Variants in ALPK1 observed in about 807,000 individuals in gnomAD.
The protein encoded by ALPK1 is alpha kinase 1.
Under a neutral mutation model 120.6 loss-of-function variants are expected in ALPK1, and 110 were observed. The ratio of observed to expected loss-of-function variants is 0.91; its 90% confidence interval spans 0.78 to 1.07. The LOEUF is 1.07. Ranked by LOEUF, ALPK1 falls within the 50% of genes least tolerant of loss-of-function variation. ALPK1 has a pLI of 0.00. For missense variants in ALPK1, 1,498 were observed against 1,483.9 expected (o/e 1.01, Z -0.16); for synonymous variants, 582 against 560.3 (o/e 1.04, Z -0.55).
rs2148742493 is a variant in ALPK1, at chr4:112,402,402, G to A, written c.277-9425G>A. Among the ~76,000 whole-genome samples, 3 of 152,330 alleles carry A rather than the reference G, an allele frequency of 2.0e-5. No individual in the cohort carries two copies. In the Middle Eastern group the frequency reaches 0.01, roughly 518 times the overall value. ...GCTAATGCAAGGAACCATGAAAACA[G>A]CACACACTTTTCCTTGCTGCTGTTT... On this transcript the variant is annotated intron_variant, in intron 4 of 15. Coordinates refer to ENST00000650871, the MANE Select transcript of ALPK1 (RefSeq NM_025144.4).
chr4:112,327,629 G>A lies in ALPK1; in HGVS notation c.-101+11777G>A, dbSNP rs572328977. Among the ~76,000 whole-genome samples the A allele has an allele frequency of 6.5e-4, 99 of 152,056 alleles. 1 individual carries two copies. In the South Asian group the frequency reaches 0.016, roughly 25 times the overall value. ...TTTTAAAAATTTTTTTTGTAGAGAT[G>A]GGGTCTCTACAAACAATGTTGTCTA... On this transcript the variant is annotated intron_variant, in intron 2 of 15. Coordinates refer to ENST00000650871, the MANE Select transcript of ALPK1 (RefSeq NM_025144.4).
At chr4:112,403,499 A>T (rs1355099523) in intron 4 of ALPK1, among the ~76,000 whole-genome samples, 2 of 152,272 alleles carry the variant, frequency 1.3e-5, no homozygotes, top group East Asian at 3.9e-4. Context: ...TTGGAGAGAG[A>T]TGCGAGAGGT....
intron 2 of ALPK1, among the ~76,000 whole-genome samples, chr4:112,317,352 A>G (rs1301691826): frequency 2.0e-5 from 3 of 152,120 alleles, no homozygotes; most frequent in Non-Finnish European, 4.4e-5. Flanking sequence ...TGTTCTTCTA[A>G]GAGTTTTCTA....
At chr4:112,405,742 A>AT (rs1178423050) in intron 4 of ALPK1, among the ~76,000 whole-genome samples, 4 of 151,906 alleles carry the variant, frequency 2.6e-5, no homozygotes, top group Non-Finnish European at 5.9e-5. Context: ...CACCTGGCTA[A>AT]TTTTTTGTAT....
intron 2 of ALPK1, chr4:112,355,994 C>T: frequency 1.6e-6 from 1 of 636,222 alleles, no homozygotes; most frequent in South Asian, 1.7e-5. Flanking sequence ...TAGAAGAGAA[C>T]AGCGTTGTGT....
At chr4:112,327,983 G>A (rs931291614) in intron 2 of ALPK1, among the ~76,000 whole-genome samples, 3 of 152,200 alleles carry the variant, frequency 2.0e-5, no homozygotes, top group Non-Finnish European at 4.4e-5. Flanking sequence ...CTGAATAGGA[G>A]GCACACGTGA....
rs754785103 is a variant in ALPK1 at position 112,408,473 on chromosome 4, C to CTTT, written c.277-3341_277-3339dup. 3.8e-4 allele frequency among the ~76,000 whole-genome samples: 54 copies of CTTT among 143,584 alleles called. 1 individual carries two copies. Among genetic ancestry groups the CTTT allele is most frequent in the South Asian group, 8.9e-4 (4 of 4,482 alleles). 94.2% of individuals were successfully genotyped at this position (143,584 alleles called of 152,430 possible). On this transcript the variant is annotated intron_variant, in intron 4 of 15. Coordinates refer to ENST00000650871, the MANE Select transcript of ALPK1 (RefSeq NM_025144.4). ...ACATTTTATGAATGCCAATGACTGA[C>CTTT]TTTTTTTTTTTTTTTGAGACTGAGT...
intron 2 of ALPK1, among the ~76,000 whole-genome samples, chr4:112,326,645 T>C (rs79622691): frequency 3.9e-5 from 6 of 152,324 alleles, no homozygotes; most frequent in Non-Finnish European, 5.9e-5. Context: ...TTCCCCTTTA[T>C]GCCAAAACTA....
Position 112,432,299 on chromosome 4 carries a change from C to G in ALPK1, c.2752C>G (p.Leu918Val). The G allele has an allele frequency of 5.0e-6, 8 of 1,614,244 alleles. No homozygotes were observed. Among genetic ancestry groups the G allele is most frequent in the Non-Finnish European group, 6.8e-6 (8 of 1,180,046 alleles). Reference sequence around the variant, plus strand: ...GGAAGGAAATCAGCCTGGAAACATGCTAAACTGCAGCCAGAACTCCAGCTC... The same window carrying G: ...GGAAGGAAATCAGCCTGGAAACATGGTAAACTGCAGCCAGAACTCCAGCTC... ...TEEGNQPGNM[L>V]NCSQNSSSSS... Residue 918 changes from leucine (L) to valine (V), a missense_variant, in exon 11 of 16, where the codon CTA (leucine) becomes GTA (valine). Leu to Val is a conservative substitution (Grantham distance 32, BLOSUM62 1). Coordinates refer to ENST00000650871, the MANE Select transcript of ALPK1 (RefSeq NM_025144.4).
At chr4:112,378,538 C>A (rs1037884794) in intron 3 of ALPK1, among the ~76,000 whole-genome samples, 2 of 151,388 alleles carry the variant, frequency 1.3e-5, no homozygotes, top group Non-Finnish European at 2.9e-5. Context: ...AAAGTTAAAG[C>A]AATTCTTATG....
intron 2 of ALPK1, among the ~76,000 whole-genome samples, chr4:112,344,872 G>T (rs1281137310): frequency 6.6e-6 from 1 of 152,156 alleles, no homozygotes; most frequent in African/African-American, 2.4e-5. Context: ...CTTGTCTTTT[G>T]GTGGTACCTG....
intron 2 of ALPK1, chr4:112,357,157 G>A: frequency 1.3e-6 from 2 of 1,488,230 alleles, no homozygotes; most frequent in Non-Finnish European, 1.9e-6. Context: ...GTGTCACCAA[G>A]CCAGGGAGCT....
rs1446548649 is a variant in ALPK1, at chr4:112,377,799, G to A, written c.22G>A (p.Ala8Thr). The A allele has an allele frequency of 4.3e-6, 7 of 1,612,046 alleles. No homozygotes were observed. Among genetic ancestry groups the A allele is most frequent in the Non-Finnish European group, 5.9e-6 (7 of 1,178,852 alleles). The change falls in exon 3 of 16, where the codon GCT becomes ACT. Residue 8 changes from alanine (A) to threonine (T), a missense_variant. Coordinates refer to ENST00000650871, the MANE Select transcript of ALPK1 (RefSeq NM_025144.4). MNNQKVV[A>T]VLLQECKQVL... ...CATCATGAATAATCAAAAAGTGGTA[G>A]CTGTGCTACTGCAAGAGTGCAAGCA... is the stretch of plus-strand genomic sequence containing the variant.
chr4:112,299,086 T>G (rs1727671215), intron 1 of ALPK1, among the ~76,000 whole-genome samples: 1 of 152,168 alleles, frequency 6.6e-6, no homozygotes, highest in South Asian at 2.1e-4. Flanking sequence ...TTTTGTTTTT[T>G]TTGTATTTTG....
At chr4:112,343,308 T>C (rs553342192) in intron 2 of ALPK1, 1 of 152,354 alleles carries the variant, frequency 6.6e-6, no homozygotes, top group East Asian at 1.9e-4. Context: ...TATTTTTTAA[T>C]TTTTGGTGAA....
intron 2 of ALPK1, among the ~76,000 whole-genome samples, chr4:112,329,394 G>A (rs989453347): frequency 5.8e-4 from 88 of 152,114 alleles, no homozygotes; most frequent in African/African-American, 2.0e-3. Context: ...TGAAGAACAC[G>A]TCTTTCTAGA....
intron 1 of ALPK1, among the ~76,000 whole-genome samples, chr4:112,298,247 A>G (rs1003299039): frequency 4.6e-5 from 7 of 151,786 alleles, no homozygotes; most frequent in Non-Finnish European, 8.8e-5. Flanking sequence ...TGCTTGCGAT[A>G]TATATTTCTC....
chr4:112,422,178 C>T (rs976764630), intron 5 of ALPK1, among the ~76,000 whole-genome samples: 13 of 152,114 alleles, frequency 8.5e-5, no homozygotes, highest in Non-Finnish European at 1.5e-4. Context: ...CAGAACGGCA[C>T]GCAATTTAAA....
chr4:112,380,178 C>T (rs144782115), intron 3 of ALPK1, among the ~76,000 whole-genome samples: 2 of 152,272 alleles, frequency 1.3e-5, no homozygotes, highest in Non-Finnish European at 2.9e-5. Flanking sequence ...GCAAACAGGT[C>T]TAAGGGGTCA....
Sources: gnomAD v4.1 joint callset for allele counts (sites outside exome capture counted in the v4.1 genomes callset) on GRCh38, gnomAD v4.1.1 for gene constraint, MANE v1.5 for transcripts, NCBI Gene and HGNC (gene_info 2026-07-23, HGNC 2026-07-21) for gene names.